CLIC6: variants seen among roughly 807,000 people sequenced by gnomAD.
CLIC6 encodes the protein chloride intracellular channel protein 6.
Under a neutral mutation model 49.2 loss-of-function variants are expected in CLIC6, and 39 were observed. The ratio of observed to expected loss-of-function variants is 0.79; its 90% CI spans 0.61 to 1.04. The LOEUF (loss-of-function observed/expected upper bound fraction) is 1.04. Ranked by LOEUF, CLIC6 falls within the 50% of genes least tolerant of loss-of-function variation. The pLI is 0.00. For missense variants in CLIC6, 988 were observed against 993.1 expected (o/e 0.99, Z 0.07); for synonymous variants, 446 against 433.4 (o/e 1.03, Z -0.36).
At chr21:34,709,996 G>T (rs2056045038) in intron 5 of CLIC6, among the ~76,000 whole-genome samples, 2 of 152,184 alleles carry the variant, frequency 1.3e-5, no homozygotes, top group African/African-American at 4.8e-5. Flanking sequence ...CCCTTGGCCA[G>T]GTGCAGTGGC....
rs1278866239 is a variant in CLIC6, at chr21:34,700,637, A to G, written c.1375-6643A>G. 1.4e-5 allele frequency among the ~76,000 whole-genome samples: 2 copies of G among 139,856 alleles called. 1 individual carries two copies. The highest frequency in any genetic ancestry group is 5.7e-5 in the African/African-American group (2 of 34,984). The allele number at this position is 139,856 out of a possible 152,430, so 91.8% of individuals were successfully genotyped here. On this transcript the variant is annotated intron_variant, in intron 1 of 5. Transcript: ENST00000349499. ...CCATGGTGTTGAACTTCAAGCTGTC[A>G]TGGGGAGTGGCTGTGTTCTCCTCCC...
intron 5 of CLIC6, 78 bp downstream of exon 5, chr21:34,709,616 C>G: frequency 7.6e-7 from 1 of 1,311,408 alleles, no homozygotes; most frequent in Non-Finnish European, 1.1e-6. Flanking sequence ...TGTGTTTGGG[C>G]CAGACATTTA....
In CLIC6 at chr21:34,670,481, C is replaced by A; in HGVS notation, c.1093C>A (p.Gln365Lys). The change falls in exon 1 of 6, where the codon CAG (glutamine) becomes AAG (lysine). Residue 365 changes from glutamine (Q) to lysine (K), a missense_variant. By Grantham distance (53) the Gln-to-Lys change is moderately conservative. This residue lies in a region of CLIC6 where 647 missense variants were observed against 596.9 expected (regional missense o/e 1.08). Transcript: ENST00000349499. ...GEDRVGDGPQ[Q>K]EPGEDEERRE... Reference sequence around the variant, plus strand: ...GGACAGGGTAGGGGATGGGCCACAGCAGGAGCCGGGGGAGGACGAAGAGAG... The same window carrying A: ...GGACAGGGTAGGGGATGGGCCACAGAAGGAGCCGGGGGAGGACGAAGAGAG... The A allele has an allele frequency of 6.7e-7, 1 of 1,492,286 alleles. No homozygotes were observed. Among genetic ancestry groups the A allele is most frequent in the South Asian group, 1.3e-5 (1 of 75,476 alleles). The allele number at this position is 1,492,286 out of a possible 1,614,324, so 92.4% of individuals were successfully genotyped here.
At chr21:34,709,328 C>G (rs3819041) in intron 4 of CLIC6, 29 bp from the exon 5 acceptor site, 677,588 of 1,596,222 alleles carry the variant, frequency 0.42, 146,917 homozygotes, top group East Asian at 0.61. Flanking sequence ...GCAAACCTCT[C>G]TTTGTGATTT....
At chr21:34,697,946 G>A (rs370044012) in intron 1 of CLIC6, among the ~76,000 whole-genome samples, 4 of 152,050 alleles carry the variant, frequency 2.6e-5, no homozygotes, top group South Asian at 2.1e-4. Context: ...TCACTGTGAT[G>A]AGGAATCTCA....
Position 34,670,157 on chromosome 21 carries a change from G to C in CLIC6, c.769G>C (p.Gly257Arg). 2 of 1,391,412 alleles carry C rather than the reference G, an allele frequency of 1.4e-6. No homozygotes were observed. Among genetic ancestry groups the C allele is most frequent in the African/African-American group, 1.5e-5 (1 of 65,260 alleles). 86.2% of individuals were successfully genotyped at this position (1,391,412 alleles called of 1,614,324 possible). A position where few individuals can be genotyped will look rare whatever the true frequency, so the allele number is the denominator to read the frequency against. Reference sequence around the variant, plus strand: ...CAGCGTAGAGGCGGGGGACCCGGCGGGGGACGGCGTAGAAGCGGGGGTCCC... The same window carrying C: ...CAGCGTAGAGGCGGGGGACCCGGCGCGGGACGGCGTAGAAGCGGGGGTCCC... Reference protein sequence around the residue: ...GDSVEAGDPAGDGVEAGVPAG... With the variant: ...GDSVEAGDPARDGVEAGVPAG... The change falls in exon 1 of 6, where the codon GGG becomes CGG. Residue 257 changes from glycine to arginine, a missense_variant. By Grantham distance (125) the Gly-to-Arg change is moderately radical (BLOSUM62 -2). Around this residue, in one of 3 missense-constraint regions of CLIC6, gnomAD observed 647 missense variants for 596.9 expected, o/e 1.08. Transcript: ENST00000349499.
At chr21:34,692,635 G>T (rs1467144994) in intron 1 of CLIC6, among the ~76,000 whole-genome samples, 2 of 152,176 alleles carry the variant, frequency 1.3e-5, no homozygotes, top group Admixed American at 1.3e-4. Context: ...ACAATTCCCA[G>T]CTCCCAGCTG....
chr21:34,707,330 C>G lies in CLIC6; in HGVS notation c.1425C>G (p.Leu475=), dbSNP rs186013554. Residue 475 remains leucine, a synonymous_variant, in exon 2 of 6, where the codon CTC becomes CTG. Transcript: ENST00000349499. Reference sequence around the variant, plus strand: ...GAAATTGCCCGTTTTCTCAGCGTCTCTTTATGATTCTCTGGCTGAAAGGCG... The same window carrying G: ...GAAATTGCCCGTTTTCTCAGCGTCTGTTTATGATTCTCTGGCTGAAAGGCG... ...SIGNCPFSQR[L]FMILWLKGVI... is the part of the protein sequence containing the mutation. 210 of 1,614,124 alleles carry G rather than the reference C, an allele frequency of 1.3e-4. 2 individuals are homozygous for G. In the Middle Eastern group the frequency reaches 5.0e-3, roughly 38 times the overall value.
intron 5 of CLIC6, among the ~76,000 whole-genome samples, chr21:34,715,602 C>G (rs1048177452): frequency 6.6e-6 from 1 of 152,168 alleles, no homozygotes; most frequent in Non-Finnish European, 1.5e-5. Context: ...ATTATGGCAA[C>G]CCTAGCAAAC....
intron 1 of CLIC6, among the ~76,000 whole-genome samples, chr21:34,689,280 C>T (rs777567101): frequency 1.8e-4 from 28 of 152,204 alleles, no homozygotes; most frequent in Non-Finnish European, 3.8e-4. Flanking sequence ...GTGAGACCCA[C>T]TCTTAGGAAG....
At chr21:34,701,308 C>CA (rs763844976) in intron 1 of CLIC6, among the ~76,000 whole-genome samples, 4,102 of 49,382 alleles carry the variant, frequency 0.083, 485 homozygotes, top group Middle Eastern at 0.15. Context: ...GGCTCCGTCT[C>CA]AAAAAAAAAA....
chr21:34,692,181 C>T (rs561358424), intron 1 of CLIC6, among the ~76,000 whole-genome samples: 1 of 152,306 alleles, frequency 6.6e-6, no homozygotes, highest in East Asian at 1.9e-4. Context: ...GAAGGTGTCA[C>T]CGTTGAGAAG....
At chr21:34,694,607 T>C (rs1990059702) in intron 1 of CLIC6, among the ~76,000 whole-genome samples, 1 of 152,162 alleles carries the variant, frequency 6.6e-6, no homozygotes, top group Non-Finnish European at 1.5e-5. Flanking sequence ...TGTGCCTGCT[T>C]CCCCTTCACC....
In CLIC6 at chr21:34,669,214, C is replaced by T. The variant is rs1441402014; in HGVS notation, c.-175C>T. ...GAGGCTTGGGGCCAAGCGGAGTTTG[C>T]CCTGCGGGTCCTGCGCAAGGCCCCA... On this transcript the variant is annotated 5_prime_UTR_variant, in exon 1 of 6. Coordinates refer to ENST00000349499, the MANE Select transcript of CLIC6 (RefSeq NM_053277.3). Among the ~76,000 whole-genome samples the T allele has an allele frequency of 6.6e-6, 1 of 152,238 alleles. No homozygotes were observed. The highest frequency in any genetic ancestry group is 2.4e-5 in the African/African-American group (1 of 41,470).
At chr21:34,710,187 A>G (rs1267092704) in intron 5 of CLIC6, among the ~76,000 whole-genome samples, 2 of 151,988 alleles carry the variant, frequency 1.3e-5, no homozygotes, top group Non-Finnish European at 2.9e-5. Flanking sequence ...CTGAAGCTGG[A>G]GGATCACTTG....
chr21:34,698,356 A>AAAGGAAGGAAGGAAGGACAG (rs1474436804), intron 1 of CLIC6, among the ~76,000 whole-genome samples: 1 of 151,998 alleles, frequency 6.6e-6, no homozygotes, highest in African/African-American at 2.4e-5. Flanking sequence ...ATTGGGTGCT[A>AAAGGAAGGAAGGAAGGACAG]AAGGAAGGAA....
At chr21:34,679,396 TATTACA>T (rs1456790134) in intron 1 of CLIC6, among the ~76,000 whole-genome samples, 10 of 152,190 alleles carry the variant, frequency 6.6e-5, no homozygotes, top group Non-Finnish European at 1.2e-4. Flanking sequence ...ACTTGGGTAT[TATTACA>T]ATTCGAGGTG....
At chr21:34,690,158 G>A (rs994433269) in intron 1 of CLIC6, among the ~76,000 whole-genome samples, 17 of 152,198 alleles carry the variant, frequency 1.1e-4, no homozygotes, top group Non-Finnish European at 1.6e-4. Flanking sequence ...GGTGGGGTGA[G>A]TGGGGATCTT....
intron 1 of CLIC6, among the ~76,000 whole-genome samples, chr21:34,685,034 G>A (rs566557172): frequency 2.6e-5 from 4 of 152,304 alleles, no homozygotes; most frequent in Admixed American, 2.6e-4. Context: ...ACTCTCCACT[G>A]GAGAGGGTAC....
Sources: gnomAD v4.1 joint callset for allele counts (sites outside exome capture counted in the v4.1 genomes callset) on GRCh38, gnomAD v4.1.1 for gene constraint, gnomAD v4.1.1 regional missense constraint, MANE v1.5 for transcripts, NCBI Gene and HGNC (gene_info 2026-07-23, HGNC 2026-07-21) for gene names.